Variants in CPT1A observed in about 807,000 individuals in gnomAD.
CPT1A encodes the protein carnitine O-palmitoyltransferase 1, liver isoform.
A neutral mutation model predicts 100.8 loss-of-function variants in CPT1A; 64 were observed. The ratio of observed to expected loss-of-function variants is 0.63; its 90% CI spans 0.52 to 0.78. The LOEUF is 0.78. Ranked by LOEUF, CPT1A falls within the 30% of genes least tolerant of loss-of-function variation. The pLI, the probability that CPT1A is intolerant of heterozygous loss-of-function variation, is 0.00. For missense variants in CPT1A, 802 were observed against 1,034.1 expected (o/e 0.78, Z 3.08); for synonymous variants, 363 against 396.0 (o/e 0.92, Z 0.99).
intron 1 of CPT1A, among the ~76,000 whole-genome samples, chr11:68,819,423 G>A (rs574355428): frequency 6.4e-4 from 97 of 152,312 alleles, no homozygotes; most frequent in African/African-American, 2.2e-3. Flanking sequence ...AGCCTTCGCA[G>A]TAACCATGAG....
chr11:68,818,201 A>G (rs552911575), intron 1 of CPT1A, among the ~76,000 whole-genome samples: 1 of 152,236 alleles, frequency 6.6e-6, no homozygotes, highest in Admixed American at 6.5e-5. Flanking sequence ...CCCACACAAG[A>G]CAGTCTGCAG....
intron 1 of CPT1A, among the ~76,000 whole-genome samples, chr11:68,831,558 G>C (rs1457857199): frequency 6.6e-6 from 1 of 152,066 alleles, no homozygotes; most frequent in Non-Finnish European, 1.5e-5. Context: ...GATACTAATA[G>C]ATAGGTGTGT....
intron 14 of CPT1A, among the ~76,000 whole-genome samples, chr11:68,764,586 C>T (rs1854732004): frequency 6.6e-6 from 1 of 152,140 alleles, no homozygotes; most frequent in African/African-American, 2.4e-5. Context: ...TCAGACAGAG[C>T]ACAGGACCCG....
intron 14 of CPT1A, 26 bp from the exon 15 acceptor site, chr11:68,762,787 C>A: frequency 6.2e-7 from 1 of 1,613,666 alleles, no homozygotes. Flanking sequence ...TACTTCAGTG[C>A]ACGGCAGGGC....
intron 1 of CPT1A, among the ~76,000 whole-genome samples, chr11:68,828,738 G>GGAAA (rs200945600): frequency 1.9e-5 from 1 of 52,756 alleles, no homozygotes; most frequent in Non-Finnish European, 9.4e-5. Context: ...CTGAGGCTTG[G>GGAAA]GCAAGCGTCC....
At chr11:68,786,605 A>C (rs1855469916) in intron 9 of CPT1A, among the ~76,000 whole-genome samples, 1 of 152,180 alleles carries the variant, frequency 6.6e-6, no homozygotes, top group Non-Finnish European at 1.5e-5. Flanking sequence ...ATCTCGGCTC[A>C]CTGCAACCTC....
intron 14 of CPT1A, among the ~76,000 whole-genome samples, chr11:68,772,603 A>G (rs1388519777): frequency 6.6e-6 from 1 of 152,152 alleles, no homozygotes; most frequent in African/African-American, 2.4e-5. Context: ...GGCACCTCCA[A>G]GTGGCTGGAG....
chr11:68,771,767 A>G (rs977402327), intron 14 of CPT1A, among the ~76,000 whole-genome samples: 1 of 152,186 alleles, frequency 6.6e-6, no homozygotes, highest in African/African-American at 2.4e-5. Flanking sequence ...TTAGGTGGAG[A>G]GAGCATAGAC....
At chr11:68,766,881 T>TA (rs1386272361) in intron 14 of CPT1A, among the ~76,000 whole-genome samples, 1 of 151,890 alleles carries the variant, frequency 6.6e-6, no homozygotes, top group African/African-American at 2.4e-5. Flanking sequence ...CCTGCTAATA[T>TA]TTTGCATTTA....
intron 1 of CPT1A, among the ~76,000 whole-genome samples, chr11:68,823,516 C>T (rs780308992): frequency 3.9e-5 from 6 of 151,994 alleles, no homozygotes; most frequent in African/African-American, 9.7e-5. Flanking sequence ...TGGCCGGGCA[C>T]GGTGGTTCAC....
intron 14 of CPT1A, among the ~76,000 whole-genome samples, chr11:68,764,174 G>A (rs1220321911): frequency 1.3e-5 from 2 of 152,200 alleles, no homozygotes; most frequent in African/African-American, 2.4e-5. Context: ...GGCAGCACGC[G>A]GCTGTGGGAG....
At chr11:68,759,319 C>T (rs527608146) in intron 18 of CPT1A, among the ~76,000 whole-genome samples, 209 of 151,454 alleles carry the variant, frequency 1.4e-3, no homozygotes, top group African/African-American at 4.9e-3. Flanking sequence ...CACTTGAGCC[C>T]GGGAGGCAGA....
chr11:68,819,233 C>T (rs1344115974), intron 1 of CPT1A, among the ~76,000 whole-genome samples: 1 of 152,172 alleles, frequency 6.6e-6, no homozygotes, highest in Non-Finnish European at 1.5e-5. Flanking sequence ...TGCCTGCCAC[C>T]ACGCCTGGCT....
intron 7 of CPT1A, among the ~76,000 whole-genome samples, chr11:68,795,767 G>A (rs559951660): frequency 2.0e-4 from 30 of 152,010 alleles, no homozygotes; most frequent in African/African-American, 5.8e-4. Flanking sequence ...AAAATTAGCC[G>A]GGCGTTGTGG....
At chr11:68,766,426 G>A (rs1293361581) in intron 14 of CPT1A, among the ~76,000 whole-genome samples, 1 of 152,130 alleles carries the variant, frequency 6.6e-6, no homozygotes, top group African/African-American at 2.4e-5. Flanking sequence ...GTTAATTTTT[G>A]AATGAATAAA....
chr11:68,807,821 C>T (rs927764771), intron 3 of CPT1A, among the ~76,000 whole-genome samples, 183 bp from the exon 4 acceptor site: 44 of 152,244 alleles, frequency 2.9e-4, no homozygotes, highest in African/African-American at 1.1e-3. Context: ...CGGGCACTCT[C>T]CTCCTCACCC....
intron 9 of CPT1A, chr11:68,785,984 T>G: frequency 1.4e-6 from 1 of 702,198 alleles, no homozygotes; most frequent in Non-Finnish European, 2.6e-6. Flanking sequence ...TCAAGTCCTC[T>G]TAAGCACTGC....
intron 1 of CPT1A, among the ~76,000 whole-genome samples, chr11:68,838,192 A>T (rs1857057855): frequency 6.6e-6 from 1 of 152,064 alleles, no homozygotes; most frequent in Admixed American, 6.6e-5. Context: ...TGGAGAGGGC[A>T]CGCCTCACTC....
At chr11:68,761,445 G>T in intron 16 of CPT1A, 90 bp downstream of exon 16, 2 of 1,451,278 alleles carry the variant, frequency 1.4e-6, no homozygotes, top group African/African-American at 1.4e-5. Context: ...TGCCCATTCT[G>T]ACATTAAAAT....
Sources: gnomAD v4.1 joint callset for allele counts (sites outside exome capture counted in the v4.1 genomes callset) on GRCh38, gnomAD v4.1.1 for gene constraint, MANE v1.5 for transcripts, NCBI Gene and HGNC (gene_info 2026-07-23, HGNC 2026-07-21) for gene names.